FAM13B: variants seen among roughly 807,000 people sequenced by gnomAD.
FAM13B encodes family with sequence similarity 13 member B.
In FAM13B, 60 loss-of-function variants were observed where a neutral mutation model predicts 117.3. The ratio of observed to expected loss-of-function variants is 0.51; its 90% CI spans 0.42 to 0.63. FAM13B has a LOEUF of 0.63. Ranked by LOEUF, FAM13B falls within the 30% of genes least tolerant of loss-of-function variation. The pLI, the probability that FAM13B is intolerant of heterozygous loss-of-function variation, is 0.00. For missense variants in FAM13B, 972 were observed against 1,091.9 expected (o/e 0.89, Z 1.55); for synonymous variants, 332 against 356.1 (o/e 0.93, Z 0.76).
chr5:138,027,545 G>A (rs1184528073), intron 1 of FAM13B, among the ~76,000 whole-genome samples: 2 of 152,176 alleles, frequency 1.3e-5, no homozygotes, highest in African/African-American at 4.8e-5. Context: ...GAACAAGTAT[G>A]GTACAACAAA....
Position 137,940,224 on chromosome 5 carries a change from C to A in FAM13B, c.*1G>T. On this transcript the variant is annotated 3_prime_UTR_variant, in exon 24 of 24. Transcript: ENST00000689681. ...TGATATGAATTTTCAAGGAACGTAT[C>A]TTATATGGATTTTGAAGAATCTTGT... 1 of 1,613,912 alleles carries A rather than the reference C, an allele frequency of 6.2e-7. No individual in the cohort carries two copies. The highest frequency in any genetic ancestry group is 8.5e-7 in the Non-Finnish European group (1 of 1,179,930).
intron 7 of FAM13B, among the ~76,000 whole-genome samples, chr5:137,997,997 T>C (rs954043204): frequency 1.4e-4 from 22 of 152,278 alleles, no homozygotes; most frequent in African/African-American, 5.3e-4. Context: ...ACCCACCAAC[T>C]AACCTCTAAC....
chr5:138,008,066 T>A (rs9327804), intron 6 of FAM13B, among the ~76,000 whole-genome samples: 1 of 152,116 alleles, frequency 6.6e-6, no homozygotes, highest in South Asian at 2.1e-4. Context: ...AAAGTAAAAC[T>A]GCAACCAAAA....
chr5:138,008,531 T>G (rs1783117594), intron 6 of FAM13B, among the ~76,000 whole-genome samples: 1 of 152,188 alleles, frequency 6.6e-6, no homozygotes, highest in Non-Finnish European at 1.5e-5. Context: ...GTCCCTAACT[T>G]TCTCTGGCAA....
intron 13 of FAM13B, 62 bp downstream of exon 13, chr5:137,959,554 C>T: frequency 1.3e-6 from 2 of 1,561,402 alleles, no homozygotes; most frequent in East Asian, 4.5e-5. Flanking sequence ...CTTATCATTG[C>T]TTAGGGTAAT....
chr5:138,011,406 C>G (rs567615325), intron 5 of FAM13B, among the ~76,000 whole-genome samples: 3 of 151,916 alleles, frequency 2.0e-5, no homozygotes, highest in Non-Finnish European at 4.4e-5. Context: ...GATTCCATTT[C>G]ACATATCTAA....
chr5:137,965,749 C>T (rs1468664348), intron 10 of FAM13B, among the ~76,000 whole-genome samples: 1 of 152,142 alleles, frequency 6.6e-6, no homozygotes, highest in Non-Finnish European at 1.5e-5. Flanking sequence ...GCCTTCTCTT[C>T]CTCTTGACTA....
In FAM13B at chr5:137,938,485, A is replaced by C. The variant is rs907915226; in HGVS notation, c.*1740T>G. ...ATCTGAAATGTACACTGCATGATGG[A>C]TTCAAATAAAAATGATACATCTTTT... On this transcript the variant is annotated 3_prime_UTR_variant, in exon 24 of 24. Transcript: ENST00000689681. 5.2e-5 allele frequency: 8 copies of C among 152,758 alleles called. No individual in the cohort carries two copies. The highest frequency in any genetic ancestry group is 1.9e-4 in the African/African-American group (8 of 41,566). 9.5% of individuals were successfully genotyped at this position (152,758 alleles called of 1,614,324 possible).
intron 1 of FAM13B, among the ~76,000 whole-genome samples, chr5:138,022,106 C>T (rs1786891771): frequency 9.9e-6 from 1 of 100,718 alleles, no homozygotes; most frequent in East Asian, 3.6e-4. Context: ...AAGTGAGATC[C>T]TGTCTCAAAA....
Position 137,987,482 on chromosome 5 carries a change from T to C in FAM13B, c.1025A>G (p.Asp342Gly). 6.2e-7 allele frequency: 1 copy of C among 1,611,236 alleles called. No homozygotes were observed. The highest frequency in any genetic ancestry group is 8.5e-7 in the Non-Finnish European group (1 of 1,178,726). The change falls in exon 9 of 24, where the codon GAT (aspartate) becomes GGT (glycine). Residue 342 changes from aspartate to glycine, a missense_variant. Asp to Gly is a moderately conservative substitution (Grantham distance 94). Transcript: ENST00000689681. ...CNNEAESIHC[D>G]GEGSNNQIDI... ...TTACTGGTTATTAGATCCTTCCCCA[T>C]CACAATGAATACTTTCTGCTTCATT...
At chr5:137,979,880 G>A (rs577443070) in intron 10 of FAM13B, among the ~76,000 whole-genome samples, 9 of 151,762 alleles carry the variant, frequency 5.9e-5, no homozygotes, top group East Asian at 1.9e-4. Flanking sequence ...AACTTAAATC[G>A]ACCAGGCACG....
At chr5:137,953,246 T>A in intron 16 of FAM13B, 90 bp downstream of exon 16, 1 of 1,407,656 alleles carries the variant, frequency 7.1e-7, no homozygotes, top group Non-Finnish European at 9.8e-7. Flanking sequence ...GTTACCTTTC[T>A]CACACAGATC....
At position 138,046,428 on chromosome 5, in the gene FAM13B, A is replaced by G. The variant is rs1451188165; in HGVS notation, c.-203+5450T>C. On this transcript the variant is annotated intron_variant, in intron 1 of 3. Transcript: ENST00000502471. ...TGTGACAGACAAGAGCCACAAGGCG[A>G]GCTTTGAGGAAGGGGCATTGTCTAT... Among the ~76,000 whole-genome samples, 4 of 152,322 alleles carry G rather than the reference A, an allele frequency of 2.6e-5. No individual in the cohort carries two copies. The East Asian group carries it at 7.7e-4, about 29-fold the overall frequency.
intron 10 of FAM13B, among the ~76,000 whole-genome samples, chr5:137,981,126 G>A (rs1056103658): frequency 8.1e-6 from 1 of 123,778 alleles, no homozygotes; most frequent in African/African-American, 3.1e-5. Context: ...GTACAGATGG[G>A]TTCTCCTCCT....
At chr5:137,954,983 T>C (rs17523153) in intron 14 of FAM13B, among the ~76,000 whole-genome samples, 19,979 of 152,194 alleles carry the variant, frequency 0.13, 1,720 homozygotes, top group Non-Finnish European at 0.19. Flanking sequence ...AGAAAGGACA[T>C]TGTCAAGCTC....
intron 17 of FAM13B, among the ~76,000 whole-genome samples, chr5:137,951,209 C>CAAAAAAAAAA (rs1158310740): frequency 1.6e-5 from 1 of 63,238 alleles, no homozygotes; most frequent in African/African-American, 6.4e-5. Context: ...CTGTCTCAAA[C>CAAAAAAAAAA]AAAAAAAAAA....
At chr5:137,976,036 C>T (rs1207230495) in intron 10 of FAM13B, among the ~76,000 whole-genome samples, 2 of 138,464 alleles carry the variant, frequency 1.4e-5, no homozygotes, top group Non-Finnish European at 3.0e-5. Context: ...AGTGCAGTGG[C>T]GCGATCTCCG....
chr5:138,034,965 G>A (rs145394394), upstream of FAM13B, among the ~76,000 whole-genome samples: 182 of 126,128 alleles, frequency 1.4e-3, 4 homozygotes, highest in Middle Eastern at 0.012. Context: ...AACCTAAGAT[G>A]TAAGCTCCCA....
chr5:137,953,387 C>T lies in FAM13B; in HGVS notation c.1797G>A (p.Gln599=). The change falls in exon 16 of 24, where the codon CAG becomes CAA. Residue 599 remains glutamine (Q), a synonymous_variant. Transcript: ENST00000689681. ...GTTCCTCAAATTGTCTGATTTTCTT[C>T]TGAAGTTTCTTGACCAGCTGATAAG... ...RTPYQLVKKL[Q]KKIRQFEEQF... is the part of the protein sequence containing the mutation. 1 of 1,613,972 alleles carries T rather than the reference C, an allele frequency of 6.2e-7. No individual in the cohort carries two copies.
Sources: gnomAD v4.1 joint callset for allele counts (sites outside exome capture counted in the v4.1 genomes callset) on GRCh38, gnomAD v4.1.1 for gene constraint, MANE v1.5 for transcripts, NCBI Gene and HGNC (gene_info 2026-07-23, HGNC 2026-07-21) for gene names.